MAOB: variants seen among roughly 807,000 people sequenced by gnomAD.
MAOB encodes the protein monoamine oxidase B.
A neutral mutation model predicts 41.9 loss-of-function variants in MAOB; 15 were observed. The observed-to-expected ratio is 0.36, with a 90% CI of 0.24 to 0.55. The LOEUF is 0.55. Among genes scored for constraint, MAOB ranks in the 20% least tolerant of loss-of-function variants. The pLI is 0.86. For synonymous variants in MAOB, 167 were observed against 144.2 expected, an observed-to-expected ratio of 1.16 and a Z score of -1.13; for missense variants, 345 against 398.7, an observed-to-expected ratio of 0.87 and a Z score of 1.15.
chrX:43,780,469 C>T (rs2034317772), intron 9 of MAOB, 74 bp from the exon 10 acceptor site: 1 of 736,695 alleles, frequency 1.4e-6, no homozygotes, highest in African/African-American at 2.1e-5. Flanking sequence ...CGTAGCTACA[C>T]ATGTGCCCAG....
intron 3 of MAOB, among the ~76,000 whole-genome samples, chrX:43,833,151 T>C (rs1448064574): frequency 1.8e-5 from 2 of 111,755 alleles, no homozygotes; most frequent in Admixed American, 1.9e-4. Context: ...TTGCAATTAA[T>C]CTCTTTAACC....
intron 2 of MAOB, among the ~76,000 whole-genome samples, chrX:43,843,247 A>C (rs2035158976): frequency 9.0e-6 from 1 of 110,805 alleles, no homozygotes; most frequent in Admixed American, 9.7e-5. Flanking sequence ...TCTCCAAAAA[A>C]GTTTAGTTTG....
Position 43,793,414 on chromosome X carries a change from C to T in MAOB, c.928+5G>A. The T allele has an allele frequency of 8.5e-7, 1 of 1,176,948 alleles. No individual in the cohort carries two copies. The highest frequency in any genetic ancestry group is 3.0e-5 in the East Asian group (1 of 32,875). ...TAAAGGTTTTTATATAAGGAAAGTA[C>T]TCACCCTTTTTCCTCCAGAAAGGCT... On this transcript the variant is annotated splice_donor_5th_base_variant and intron_variant, in intron 8 of 14. Coordinates refer to ENST00000378069, the MANE Select transcript of MAOB (RefSeq NM_000898.5).
At chrX:43,841,916 A>G (rs889653309) in intron 2 of MAOB, among the ~76,000 whole-genome samples, 3 of 111,881 alleles carry the variant, frequency 2.7e-5, no homozygotes, top group Admixed American at 9.5e-5. Flanking sequence ...TATACAAATA[A>G]TCAACTCTAA....
intron 1 of MAOB, among the ~76,000 whole-genome samples, chrX:43,862,742 C>T (rs890624774): frequency 1.8e-5 from 2 of 111,698 alleles, no homozygotes; most frequent in Non-Finnish European, 3.8e-5. Flanking sequence ...TGCAACTCAA[C>T]AGCTTGGCTA....
rs1372234758 is a variant in MAOB, at chrX:43,778,758, A to G, written c.1080-19T>C. The G allele has an allele frequency of 2.6e-6, 3 of 1,167,019 alleles. No individual in the cohort carries two copies. Among genetic ancestry groups the G allele is most frequent in the Non-Finnish European group, 3.5e-6 (3 of 858,695 alleles). On this transcript the variant is annotated intron_variant, in intron 10 of 14. Coordinates refer to ENST00000378069, the MANE Select transcript of MAOB (RefSeq NM_000898.5). ...CTTCAACCTGTGAATGAAAAGAGAC[A>G]AAAGAGAAAATAAAGGAAAGAAGGG...
chrX:43,767,719 A>G, intron 14 of MAOB, 101 bp from the exon 15 acceptor site: 1 of 759,544 alleles, frequency 1.3e-6, no homozygotes, highest in African/African-American at 2.1e-5. Context: ...ATTCTTGCCA[A>G]CGTCTAGACC....
intron 1 of MAOB, among the ~76,000 whole-genome samples, chrX:43,872,484 C>T (rs2035414787): frequency 9.0e-6 from 1 of 111,431 alleles, no homozygotes; most frequent in African/African-American, 3.3e-5. Context: ...TCTTGGGCGA[C>T]AATTTTGCTA....
chrX:43,781,736 C>T (rs2034335875), intron 8 of MAOB, among the ~76,000 whole-genome samples, 192 bp from the exon 9 acceptor site: 1 of 111,913 alleles, frequency 8.9e-6, no homozygotes, highest in Non-Finnish European at 1.9e-5. Context: ...TTGAAAAAAT[C>T]AAACCATAAG....
chrX:43,787,941 T>A lies in MAOB; in HGVS notation c.928+5478A>T, dbSNP rs184748858. Among the ~76,000 whole-genome samples, 337 of 112,075 alleles carry A rather than the reference T, an allele frequency of 3.0e-3. 1 individual carries two copies. The highest frequency in any genetic ancestry group is 0.01 in the African/African-American group (309 of 30,876). On this transcript the variant is annotated intron_variant, in intron 8 of 14. Coordinates refer to ENST00000378069, the MANE Select transcript of MAOB (RefSeq NM_000898.5). ...TTCTCCTACCTGATTGACAAAAAAA[T>A]TTTAAATATTATTAGCTGGTGTCTT...
At chrX:43,853,486 A>C (rs955229153) in intron 1 of MAOB, among the ~76,000 whole-genome samples, 2 of 110,643 alleles carry the variant, frequency 1.8e-5, no homozygotes, top group African/African-American at 6.6e-5. Context: ...CAGATGAGTA[A>C]ATTTGGGTAG....
At chrX:43,768,822 C>G (rs775214856) in intron 13 of MAOB, 106 bp from the exon 14 acceptor site, 2 of 692,174 alleles carry the variant, frequency 2.9e-6, no homozygotes, top group African/African-American at 4.3e-5. Context: ...CCATCAAAAA[C>G]ACCAAGGTAA....
intron 3 of MAOB, among the ~76,000 whole-genome samples, chrX:43,823,439 C>T (rs2034907886): frequency 9.0e-6 from 1 of 110,755 alleles, no homozygotes. Flanking sequence ...TCCCAAAGTG[C>T]TGGGATTACA....
intron 12 of MAOB, among the ~76,000 whole-genome samples, chrX:43,770,622 T>G (rs1250616988): frequency 8.9e-6 from 1 of 111,768 alleles, no homozygotes; most frequent in Non-Finnish European, 1.9e-5. Flanking sequence ...CTCTGTGATG[T>G]AGCTACTATT....
chrX:43,825,104 A>G (rs2034929611), intron 3 of MAOB, among the ~76,000 whole-genome samples: 1 of 112,433 alleles, frequency 8.9e-6, no homozygotes, highest in Admixed American at 9.4e-5. Flanking sequence ...ATCTGTGTTC[A>G]CTTCTTTCCA....
intron 1 of MAOB, among the ~76,000 whole-genome samples, chrX:43,862,556 G>A (rs1021662869): frequency 2.7e-5 from 3 of 112,228 alleles, no homozygotes; most frequent in African/African-American, 9.7e-5. Flanking sequence ...ATACCACACA[G>A]AAAATATGTT....
chrX:43,852,776 T>C (rs2035260319), intron 1 of MAOB, among the ~76,000 whole-genome samples: 1 of 111,867 alleles, frequency 8.9e-6, no homozygotes, highest in Admixed American at 9.5e-5. Flanking sequence ...AAGTTCTCCT[T>C]ATATTTTTTC....
intron 4 of MAOB, 30 bp downstream of exon 4, chrX:43,803,270 A>T: frequency 9.1e-7 from 1 of 1,096,599 alleles, no homozygotes; most frequent in Non-Finnish European, 1.2e-6. Flanking sequence ...ATTACAAAAA[A>T]GAATACAAAT....
At chrX:43,857,175 AG>A (rs1190278503) in intron 1 of MAOB, among the ~76,000 whole-genome samples, 64 of 88,263 alleles carry the variant, frequency 7.3e-4, no homozygotes, top group Non-Finnish European at 1.3e-3. Flanking sequence ...AAGAAGAGAG[AG>A]AGAGAGAGAG....
Sources: gnomAD v4.1 joint callset for allele counts (sites outside exome capture counted in the v4.1 genomes callset) on GRCh38, gnomAD v4.1.1 for gene constraint, MANE v1.5 for transcripts, NCBI Gene and HGNC (gene_info 2026-07-23, HGNC 2026-07-21) for gene names.